Variants in ADAMTS12 observed in about 807,000 individuals in gnomAD.
ADAMTS12 encodes the protein ADAM metallopeptidase with thrombospondin type 1 motif 12.
ADAMTS12 carries 118 observed loss-of-function variants against 167.8 expected under a neutral mutation model. That is an observed-to-expected ratio of 0.70 (90% CI 0.61 to 0.82). The LOEUF (loss-of-function observed/expected upper bound fraction) is 0.82. Among genes scored for constraint, ADAMTS12 ranks in the 40% least tolerant of loss-of-function variants. The pLI is 0.00. For missense variants in ADAMTS12, 1,916 were observed against 1,998.8 expected, an observed-to-expected ratio of 0.96 and a Z score of 0.79; for synonymous variants, 704 against 716.9, an observed-to-expected ratio of 0.98 and a Z score of 0.29.
At chr5:33,566,377 C>G (rs1349811922) in intron 19 of ADAMTS12, among the ~76,000 whole-genome samples, 2 of 152,056 alleles carry the variant, frequency 1.3e-5, no homozygotes. Flanking sequence ...GGTGGGAAGA[C>G]TGCTTGAGCT....
intron 2 of ADAMTS12, among the ~76,000 whole-genome samples, chr5:33,824,816 G>A (rs538625936): frequency 2.4e-4 from 37 of 152,270 alleles, no homozygotes; most frequent in Middle Eastern, 3.4e-3. Context: ...GTTAAGGCTA[G>A]GATGATACTT....
chr5:33,709,715 T>C (rs1044720587), intron 3 of ADAMTS12, among the ~76,000 whole-genome samples: 2 of 151,436 alleles, frequency 1.3e-5, no homozygotes, highest in African/African-American at 4.9e-5. Context: ...TGGGGGGATG[T>C]GGGGGTTGAG....
chr5:33,630,775 A>G lies in ADAMTS12; in HGVS notation c.2022+5T>C. 1 of 1,611,472 alleles carries G rather than the reference A, an allele frequency of 6.2e-7. No individual in the cohort carries two copies. Among genetic ancestry groups the G allele is most frequent in the Non-Finnish European group, 8.5e-7 (1 of 1,177,886 alleles). The stretch of plus-strand genomic sequence containing the variant: ...AGTTGTAGATTAAGGAAACATACCC[A>G]ATACCTTACATATGCCATTAATACA... On this transcript the variant is annotated splice_donor_5th_base_variant and intron_variant, in intron 13 of 23. Coordinates refer to ENST00000504830, the MANE Select transcript of ADAMTS12 (RefSeq NM_030955.4).
At chr5:33,556,931 G>T (rs577460278) in intron 20 of ADAMTS12, among the ~76,000 whole-genome samples, 2 of 152,316 alleles carry the variant, frequency 1.3e-5, no homozygotes, top group South Asian at 4.1e-4. Context: ...ACCAGCCTGT[G>T]GCCCCCGAGT....
At chr5:33,867,995 A>T (rs1479287621) in intron 2 of ADAMTS12, among the ~76,000 whole-genome samples, 1 of 151,870 alleles carries the variant, frequency 6.6e-6, no homozygotes, top group African/African-American at 2.4e-5. Flanking sequence ...AGTGTGTAGC[A>T]TCTCTCCCTC....
intron 3 of ADAMTS12, among the ~76,000 whole-genome samples, chr5:33,691,727 C>T (rs368828089): frequency 5.0e-4 from 76 of 152,274 alleles, no homozygotes; most frequent in Middle Eastern, 3.4e-3. Flanking sequence ...AAAGACAAGA[C>T]CATGCTGGAA....
chr5:33,713,674 CTGAAACTAA>C (rs999608994), intron 3 of ADAMTS12, among the ~76,000 whole-genome samples: 4 of 151,984 alleles, frequency 2.6e-5, no homozygotes, highest in Non-Finnish European at 4.4e-5. Context: ...ATAAAATAAA[CTGAAACTAA>C]TGAAACTAAT....
At chr5:33,717,875 G>GA (rs1381015822) in intron 3 of ADAMTS12, among the ~76,000 whole-genome samples, 1 of 152,182 alleles carries the variant, frequency 6.6e-6, no homozygotes, top group Non-Finnish European at 1.5e-5. Flanking sequence ...AGTAAGAAAA[G>GA]AAAATGACAT....
intron 2 of ADAMTS12, among the ~76,000 whole-genome samples, chr5:33,781,991 G>A (rs1244804517): frequency 6.6e-6 from 1 of 151,968 alleles, no homozygotes; most frequent in Non-Finnish European, 1.5e-5. Context: ...ATCCATTAAA[G>A]CTCAGCTGAA....
At chr5:33,717,506 G>A (rs1743656860) in intron 3 of ADAMTS12, among the ~76,000 whole-genome samples, 1 of 152,156 alleles carries the variant, frequency 6.6e-6, no homozygotes, top group African/African-American at 2.4e-5. Context: ...AGGGAAGTTA[G>A]TTTCTGGATA....
At chr5:33,645,672 C>G (rs1740635866) in intron 9 of ADAMTS12, among the ~76,000 whole-genome samples, 1 of 152,052 alleles carries the variant, frequency 6.6e-6, no homozygotes, top group Non-Finnish European at 1.5e-5. Flanking sequence ...AAACTTTGTA[C>G]TATTTTTTTC....
At chr5:33,873,090 A>G (rs1374698635) in intron 2 of ADAMTS12, among the ~76,000 whole-genome samples, 3 of 152,024 alleles carry the variant, frequency 2.0e-5, no homozygotes, top group Non-Finnish European at 4.4e-5. Flanking sequence ...AAAACAAGAA[A>G]AGGAAATATA....
chr5:33,787,274 A>G (rs2112451215), intron 2 of ADAMTS12, among the ~76,000 whole-genome samples: 1 of 152,368 alleles, frequency 6.6e-6, no homozygotes, highest in Middle Eastern at 3.4e-3. Flanking sequence ...TAAAGGCTAA[A>G]GCTTCCTACG....
intron 18 of ADAMTS12, among the ~76,000 whole-genome samples, chr5:33,585,375 T>C (rs560718430): frequency 6.6e-6 from 1 of 152,344 alleles, no homozygotes; most frequent in African/African-American, 2.4e-5. Flanking sequence ...CTCCCACGTG[T>C]GGCTACAACT....
chr5:33,891,912 A>G lies in ADAMTS12; in HGVS notation c.-56T>C, dbSNP rs552802203. 2 of 1,589,354 alleles carry G rather than the reference A, an allele frequency of 1.3e-6. No homozygotes were observed. The highest frequency in any genetic ancestry group is 1.1e-5 in the South Asian group (1 of 87,250). On this transcript the variant is annotated 5_prime_UTR_variant, in exon 1 of 24. Transcript: ENST00000504830. ...AAAAGTTTTAGCCCTCAGCTCCAGA[A>G]ATAAAGCGCTCGCCTGTGGCCCAGC...
chr5:33,883,893 AGACCT>A (rs2111786997), intron 1 of ADAMTS12, among the ~76,000 whole-genome samples: 1 of 152,336 alleles, frequency 6.6e-6, no homozygotes, highest in African/African-American at 2.4e-5. Flanking sequence ...TTCCAGGTCT[AGACCT>A]ACCAAAGAGA....
At position 33,641,808 on chromosome 5, in the gene ADAMTS12, A is replaced by C; in HGVS notation, c.1718+2T>G. 1 of 1,606,444 alleles carries C rather than the reference A, an allele frequency of 6.2e-7. No homozygotes were observed. The highest frequency in any genetic ancestry group is 8.5e-7 in the Non-Finnish European group (1 of 1,174,980). On this transcript the variant is annotated splice_donor_variant, in intron 11 of 23. Coordinates refer to ENST00000504830, the MANE Select transcript of ADAMTS12 (RefSeq NM_030955.4). LOFTEE classifies it high-confidence loss of function. ...AAGGGAAATATATTTATCTGGACTCACTCGGGGTTGTTGCAGAGCCTCTCT... is the reference window on the plus strand; with the variant it reads ...AAGGGAAATATATTTATCTGGACTCCCTCGGGGTTGTTGCAGAGCCTCTCT...
At chr5:33,583,827 G>C (rs569373421) in intron 18 of ADAMTS12, among the ~76,000 whole-genome samples, 28 of 152,170 alleles carry the variant, frequency 1.8e-4, no homozygotes, top group African/African-American at 6.7e-4. Flanking sequence ...TTTGTGAAAG[G>C]CTTTATTTTT....
chr5:33,573,624 A>G (rs1746509416), intron 19 of ADAMTS12, among the ~76,000 whole-genome samples: 1 of 152,184 alleles, frequency 6.6e-6, no homozygotes, highest in Non-Finnish European at 1.5e-5. Context: ...TACATGTTAG[A>G]CCTAAAACCA....
Sources: gnomAD v4.1 joint callset for allele counts (sites outside exome capture counted in the v4.1 genomes callset) on GRCh38, gnomAD v4.1.1 for gene constraint, MANE v1.5 for transcripts, NCBI Gene and HGNC (gene_info 2026-07-23, HGNC 2026-07-21) for gene names.